The following TRAPPC3L variants were observed in gnomAD, a reference collection of about 807,000 sequenced individuals.
The protein encoded by TRAPPC3L is trafficking protein particle complex subunit 3L.
In TRAPPC3L, 23 loss-of-function variants were observed where a neutral mutation model predicts 23.7. That is an observed-to-expected ratio of 0.97 (90% CI 0.70 to 1.37). The LOEUF (loss-of-function observed/expected upper bound fraction) is 1.37, where lower values mean the gene tolerates loss of function less well. Among genes scored for constraint, TRAPPC3L ranks in the 40% most tolerant of loss-of-function variants. TRAPPC3L has a pLI of 0.00. For synonymous variants in TRAPPC3L, 81 were observed against 77.9 expected, an observed-to-expected ratio of 1.04 and a Z score of -0.21; for missense variants, 212 against 216.8, an observed-to-expected ratio of 0.98 and a Z score of 0.14.
chr6:116,516,307 T>C (rs1772223077), intron 3 of TRAPPC3L: 1 of 211,644 alleles, frequency 4.7e-6, no homozygotes, highest in South Asian at 1.6e-4. Context: ...CTGTAAATAT[T>C]GGTTGCAGAA....
At chr6:116,501,578 C>T (rs1253514816) in intron 3 of TRAPPC3L, among the ~76,000 whole-genome samples, 1 of 152,208 alleles carries the variant, frequency 6.6e-6, no homozygotes. Context: ...GGGTCCATGA[C>T]CCCCATGTAG....
At chr6:116,505,545 G>C (rs1220744216) in intron 3 of TRAPPC3L, among the ~76,000 whole-genome samples, 1 of 152,138 alleles carries the variant, frequency 6.6e-6, no homozygotes, top group Non-Finnish European at 1.5e-5. Flanking sequence ...AACCAAAAAA[G>C]AGCCCGCATT....
chr6:116,534,936 T>C (rs146643395), intron 3 of TRAPPC3L, among the ~76,000 whole-genome samples: 1 of 152,220 alleles, frequency 6.6e-6, no homozygotes, highest in African/African-American at 2.4e-5. Context: ...GACAACAAAG[T>C]AATGTGATAT....
At chr6:116,501,964 T>A (rs1771922648) in intron 3 of TRAPPC3L, among the ~76,000 whole-genome samples, 1 of 152,022 alleles carries the variant, frequency 6.6e-6, no homozygotes, top group African/African-American at 2.4e-5. Context: ...GAACACCTCT[T>A]CTCCTCCAAA....
chr6:116,511,797 T>C lies in TRAPPC3L; in HGVS notation c.241-11131A>G, dbSNP rs757081150. ...CTGACCGTGGGAAGTGAGCGTCTCTTTTCTGTTGTGGCTTTTAAGTGCCCC... is the reference window on the plus strand; with the variant it reads ...CTGACCGTGGGAAGTGAGCGTCTCTCTTCTGTTGTGGCTTTTAAGTGCCCC... On this transcript the variant is annotated intron_variant, in intron 3 of 4. Transcript: ENST00000368602. 5.6e-6 allele frequency: 9 copies of C among 1,614,080 alleles called. No individual in the cohort carries two copies. The South Asian group carries it at 8.8e-5, about 16-fold the overall frequency.
intron 3 of TRAPPC3L, chr6:116,512,306 C>T (rs1772138905): frequency 6.8e-7 from 1 of 1,463,882 alleles, no homozygotes; most frequent in African/African-American, 1.4e-5. Flanking sequence ...CTCCTTTCAG[C>T]CAGGGCTGTC....
At chr6:116,513,110 T>C (rs1008344669) in intron 3 of TRAPPC3L, among the ~76,000 whole-genome samples, 38 of 152,298 alleles carry the variant, frequency 2.5e-4, no homozygotes, top group African/African-American at 8.7e-4. Context: ...TAAGAGTTGA[T>C]AAGCAGATCC....
At chr6:116,511,794 T>C (rs749055743) in intron 3 of TRAPPC3L, 17 of 1,614,010 alleles carry the variant, frequency 1.1e-5, no homozygotes, top group Non-Finnish European at 1.3e-5. Context: ...AGTGAGCGTC[T>C]CTTTTCTGTT....
chr6:116,543,172 T>A, intron 2 of TRAPPC3L, 131 bp downstream of exon 2: 1 of 640,714 alleles, frequency 1.6e-6, no homozygotes, highest in Non-Finnish European at 2.6e-6. Flanking sequence ...TATGTTCAGC[T>A]TTCAGATGTG....
chr6:116,528,078 A>G (rs985525539), intron 3 of TRAPPC3L, among the ~76,000 whole-genome samples: 1 of 152,262 alleles, frequency 6.6e-6, no homozygotes, highest in Non-Finnish European at 1.5e-5. Flanking sequence ...GGACATTCAT[A>G]AGGAAGGTGA....
chr6:116,499,008 C>A (rs140066475), intron 4 of TRAPPC3L, among the ~76,000 whole-genome samples: 3 of 152,294 alleles, frequency 2.0e-5, no homozygotes, highest in African/African-American at 4.8e-5. Flanking sequence ...CAGGGATAAA[C>A]AACTGCTTGC....
chr6:116,518,158 T>C (rs1772263537), intron 3 of TRAPPC3L: 1 of 152,214 alleles, frequency 6.6e-6, no homozygotes, highest in Non-Finnish European at 1.5e-5. Flanking sequence ...ACCTCTGCTT[T>C]GTAGCCACGT....
At position 116,516,036 on chromosome 6, in the gene TRAPPC3L, T is replaced by C. The variant is rs779098253; in HGVS notation, c.241-15370A>G. 8.5e-6 allele frequency: 13 copies of C among 1,531,414 alleles called. No homozygotes were observed. In the South Asian group the frequency reaches 1.4e-4, roughly 17 times the overall value. 94.9% of individuals were successfully genotyped at this position (1,531,414 alleles called of 1,614,324 possible). A position where few individuals can be genotyped will look rare whatever the true frequency, so the allele number is the denominator to read the frequency against. ...ATGGTGTTGAGTGGCATGCTCATTC[T>C]GTGATCCTCCTAACGTATCACCAGC... On this transcript the variant is annotated intron_variant, in intron 3 of 4. Transcript: ENST00000368602.
At chr6:116,502,422 G>C (rs1242888768) in intron 3 of TRAPPC3L, among the ~76,000 whole-genome samples, 1 of 152,214 alleles carries the variant, frequency 6.6e-6, no homozygotes, top group African/African-American at 2.4e-5. Flanking sequence ...AAGTGACGGG[G>C]AGAATGGAAC....
chr6:116,500,155 G>A (rs1771890160), intron 4 of TRAPPC3L, among the ~76,000 whole-genome samples: 1 of 152,190 alleles, frequency 6.6e-6, no homozygotes, highest in Non-Finnish European at 1.5e-5. Flanking sequence ...GGCTGTGTGA[G>A]TGAGCTTGGA....
At chr6:116,543,503 C>T (rs2115249300) in intron 1 of TRAPPC3L, 103 bp from the exon 2 acceptor site, 2 of 963,908 alleles carry the variant, frequency 2.1e-6, no homozygotes, top group South Asian at 1.8e-5. Context: ...TTAGAAGTCA[C>T]CTGTACATTT....
At chr6:116,515,838 C>G (rs760930390) in intron 3 of TRAPPC3L, 1 of 1,613,988 alleles carries the variant, frequency 6.2e-7, no homozygotes, top group South Asian at 1.1e-5. Context: ...CCTACGTTTG[C>G]TGCCTGGGAG....
At chr6:116,506,175 A>G (rs1408203980) in intron 3 of TRAPPC3L, among the ~76,000 whole-genome samples, 3 of 152,232 alleles carry the variant, frequency 2.0e-5, no homozygotes, top group African/African-American at 7.2e-5. Flanking sequence ...ATGTACAAGG[A>G]AAAAACAACC....
At chr6:116,533,168 A>G (rs569707346) in intron 3 of TRAPPC3L, among the ~76,000 whole-genome samples, 2 of 152,324 alleles carry the variant, frequency 1.3e-5, no homozygotes, top group Non-Finnish European at 2.9e-5. Flanking sequence ...TCTTGGCCAC[A>G]GTGTCATTTA....
Sources: gnomAD v4.1 joint callset for allele counts (sites outside exome capture counted in the v4.1 genomes callset) on GRCh38, gnomAD v4.1.1 for gene constraint, MANE v1.5 for transcripts, NCBI Gene and HGNC (gene_info 2026-07-23, HGNC 2026-07-21) for gene names.